The following MCC variants were observed in gnomAD, a reference collection of about 807,000 sequenced individuals.
MCC encodes MCC regulator of Wnt signaling pathway.
Under a neutral mutation model 116.2 loss-of-function variants are expected in MCC, and 90 were observed. That is an observed-to-expected ratio of 0.77 (90% CI 0.65 to 0.92). MCC has a LOEUF of 0.92. Ranked by LOEUF, MCC falls within the 40% of genes least tolerant of loss-of-function variation. The pLI, the probability that MCC is intolerant of heterozygous loss-of-function variation, is 0.00. For synonymous variants in MCC, 578 were observed against 510.5 expected (o/e 1.13, Z -1.78); for missense variants, 1,516 against 1,312.2 (o/e 1.16, Z -2.40).
chr5:113,212,769 C>T (rs1449937836), intron 3 of MCC, among the ~76,000 whole-genome samples: 2 of 152,182 alleles, frequency 1.3e-5, no homozygotes, highest in Non-Finnish European at 2.9e-5. Context: ...CCACAGGGAG[C>T]TCAGAGGGAG....
At chr5:113,487,746 G>A (rs1456272597) in intron 1 of MCC, among the ~76,000 whole-genome samples, 1 of 152,202 alleles carries the variant, frequency 6.6e-6, no homozygotes, top group Non-Finnish European at 1.5e-5. Flanking sequence ...TGGGTTCTGC[G>A]GCACAAGAAA....
intron 8 of MCC, among the ~76,000 whole-genome samples, chr5:113,086,940 T>C (rs1163762028): frequency 6.6e-6 from 1 of 152,248 alleles, no homozygotes; most frequent in Non-Finnish European, 1.5e-5. Flanking sequence ...GCATGTCTAG[T>C]AAGCTCGCAA....
intron 3 of MCC, among the ~76,000 whole-genome samples, chr5:113,251,375 C>T (rs1170762666): frequency 6.6e-6 from 1 of 152,138 alleles, no homozygotes; most frequent in Non-Finnish European, 1.5e-5. Flanking sequence ...AAAAGGAATA[C>T]CACCATAATG....
intron 3 of MCC, among the ~76,000 whole-genome samples, chr5:113,309,537 T>A (rs1480210992): frequency 6.6e-6 from 1 of 152,230 alleles, no homozygotes; most frequent in Non-Finnish European, 1.5e-5. Flanking sequence ...GCAAAGACAG[T>A]ATTTCATTGT....
Position 113,436,504 on chromosome 5 carries a change from C to G in MCC, c.171-51292G>C, listed in dbSNP as rs554932763. ...GCAGCAGTAACATCGACACAGAGAC[C>G]TGAAGACTGACAACAGACTCTGGCA... On this transcript the variant is annotated intron_variant, in intron 1 of 18. Coordinates refer to ENST00000408903, the MANE Select transcript of MCC (RefSeq NM_001085377.2). 4 of 152,316 alleles carry G rather than the reference C, an allele frequency of 2.6e-5. 1 individual carries two copies. The South Asian group carries it at 6.2e-4, about 24-fold the overall frequency. 9.4% of individuals were successfully genotyped at this position (152,316 alleles called of 1,614,324 possible).
rs372066363 is a variant in MCC, at chr5:113,482,528, C to T, written c.170+5717G>A. On this transcript the variant is annotated intron_variant, in intron 1 of 18. Transcript: ENST00000408903. The stretch of plus-strand genomic sequence containing the variant: ...TGGCTAATGATGTTGAGCATCTTTT[C>T]GTGTGCATATTGGCTATGTGTATGT... Among the ~76,000 whole-genome samples the T allele has an allele frequency of 6.6e-5, 10 of 152,112 alleles. No homozygotes were observed. In the South Asian group the frequency reaches 1.2e-3, roughly 19 times the overall value.
At chr5:113,335,730 T>G (rs532954891) in intron 3 of MCC, among the ~76,000 whole-genome samples, 4 of 151,848 alleles carry the variant, frequency 2.6e-5, no homozygotes, top group African/African-American at 9.7e-5. Flanking sequence ...TGAGTTTTGC[T>G]GCTGCTTTGT....
At chr5:113,184,479 G>GTTT (rs11303638) in intron 3 of MCC, among the ~76,000 whole-genome samples, 6 of 115,138 alleles carry the variant, frequency 5.2e-5, no homozygotes, top group African/African-American at 1.5e-4. Flanking sequence ...TTCGTTTTTT[G>GTTT]TTTTTTTTTT....
intron 6 of MCC, among the ~76,000 whole-genome samples, chr5:113,105,727 G>T (rs929001654): frequency 2.6e-5 from 4 of 152,076 alleles, no homozygotes; most frequent in Non-Finnish European, 5.9e-5. Flanking sequence ...TCTCTCAACT[G>T]GACCACTGTA....
intron 1 of MCC, among the ~76,000 whole-genome samples, chr5:113,487,260 T>C (rs1229033084): frequency 2.6e-5 from 4 of 152,032 alleles, no homozygotes; most frequent in Non-Finnish European, 5.9e-5. Context: ...AGAAACGATC[T>C]TTAGCATCAC....
Position 113,332,669 on chromosome 5 carries a change from C to T in MCC, c.627+7850G>A, listed in dbSNP as rs150650350. Among the ~76,000 whole-genome samples the T allele has an allele frequency of 2.0e-3, 304 of 151,392 alleles. 3 individuals are homozygous for T. The highest frequency in any genetic ancestry group is 3.5e-3 in the Non-Finnish European group (237 of 67,962). On this transcript the variant is annotated intron_variant, in intron 3 of 18. Transcript: ENST00000408903. ...GCAAAGTTAGTTACAAAATGGTTGC[C>T]GTTTTACTAGGGCCAATAAAATATA...
At chr5:113,172,173 C>T (rs989288849) in intron 3 of MCC, among the ~76,000 whole-genome samples, 8 of 152,210 alleles carry the variant, frequency 5.3e-5, no homozygotes, top group African/African-American at 1.9e-4. Flanking sequence ...ACAATCCAGG[C>T]ACCTGACTTA....
intron 2 of MCC, among the ~76,000 whole-genome samples, chr5:113,344,032 G>T (rs1768074947): frequency 6.6e-6 from 1 of 152,176 alleles, no homozygotes; most frequent in African/African-American, 2.4e-5. Context: ...GCACTCAAGA[G>T]GTAGGAAAGA....
intron 3 of MCC, among the ~76,000 whole-genome samples, chr5:113,240,808 G>GA (rs1419564965): frequency 6.6e-6 from 1 of 152,194 alleles, no homozygotes; most frequent in Non-Finnish European, 1.5e-5. Context: ...CTGTGCTCCA[G>GA]AAGGCACAGC....
At chr5:113,193,091 G>A (rs187370476) in intron 3 of MCC, among the ~76,000 whole-genome samples, 5 of 152,182 alleles carry the variant, frequency 3.3e-5, no homozygotes, top group Admixed American at 6.5e-5. Flanking sequence ...TCCTTGGCTC[G>A]TGGCCCCTTC....
intron 1 of MCC, among the ~76,000 whole-genome samples, chr5:113,460,614 CTG>C (rs758538692): frequency 6.6e-6 from 1 of 152,208 alleles, no homozygotes; most frequent in Non-Finnish European, 1.5e-5. Flanking sequence ...ACGCTGTACG[CTG>C]TGTGCCTTGT....
At chr5:113,426,173 G>A (rs926642836) in intron 1 of MCC, among the ~76,000 whole-genome samples, 1 of 152,126 alleles carries the variant, frequency 6.6e-6, no homozygotes, top group African/African-American at 2.4e-5. Flanking sequence ...GCCAATGCAA[G>A]CAGATGCTGG....
At chr5:113,078,708 A>G (rs2150239825) in intron 11 of MCC, among the ~76,000 whole-genome samples, 1 of 152,338 alleles carries the variant, frequency 6.6e-6, no homozygotes, top group East Asian at 1.9e-4. Context: ...TATCATACTG[A>G]ATGGGCACAA....
At chr5:113,438,374 A>G (rs1231178925) in intron 1 of MCC, among the ~76,000 whole-genome samples, 1 of 152,218 alleles carries the variant, frequency 6.6e-6, no homozygotes, top group Non-Finnish European at 1.5e-5. Context: ...TTTAAATCCC[A>G]GGGGCCACAT....
Sources: gnomAD v4.1 joint callset for allele counts (sites outside exome capture counted in the v4.1 genomes callset) on GRCh38, gnomAD v4.1.1 for gene constraint, MANE v1.5 for transcripts, NCBI Gene and HGNC (gene_info 2026-07-23, HGNC 2026-07-21) for gene names.